ANKMY1: variants seen among roughly 807,000 people sequenced by gnomAD.
The protein encoded by ANKMY1 is ankyrin repeat and MYND domain containing 1.
Under a neutral mutation model 102.0 loss-of-function variants are expected in ANKMY1, and 98 were observed. The observed-to-expected ratio is 0.96, with a 90% confidence interval of 0.82 to 1.14. The LOEUF (loss-of-function observed/expected upper bound fraction) is 1.14, where lower values mean the gene tolerates loss of function less well. Among genes scored for constraint, ANKMY1 ranks in the 50% most tolerant of loss-of-function variants. The pLI, the probability that ANKMY1 is intolerant of heterozygous loss-of-function variation, is 0.00. For missense variants in ANKMY1, 1,330 were observed against 1,347.6 expected (o/e 0.99, Z 0.20); for synonymous variants, 582 against 559.9 (o/e 1.04, Z -0.56).
intron 7 of ANKMY1, 146 bp from the exon 8 acceptor site, chr2:240,524,527 AC>A: frequency 1.1e-6 from 1 of 902,748 alleles, no homozygotes; most frequent in South Asian, 1.8e-5. Context: ...CTTTCCCCAA[AC>A]CCTCAAAGAG....
chr2:240,538,729 G>A lies in ANKMY1; in HGVS notation c.481-9220C>T, dbSNP rs138423140. ...CGATCCACTAGGCAAAGCCAGCTGAGCTCCTGAATCTAGTGGGGTCTTGGA... is the reference window on the plus strand; with the variant it reads ...CGATCCACTAGGCAAAGCCAGCTGAACTCCTGAATCTAGTGGGGTCTTGGA... On this transcript the variant is annotated intron_variant, in intron 4 of 17. Transcript: ENST00000401804. 7.9e-5 allele frequency among the ~76,000 whole-genome samples: 12 copies of A among 152,326 alleles called. No individual in the cohort carries two copies. The East Asian group carries it at 2.1e-3, about 27-fold the overall frequency.
the ANKMY1 span, among the ~76,000 whole-genome samples, chr2:240,473,048 C>T: frequency 2.0e-5 from 3 of 146,358 alleles, no homozygotes; most frequent in South Asian, 4.5e-4. Context: ...CTCTTGAACC[C>T]GGGAGACGGA....
In ANKMY1 at chr2:240,511,912, C is replaced by G. The variant is rs779402768; in HGVS notation, c.2235G>C (p.Glu745Asp). 133 of 1,584,116 alleles carry G rather than the reference C, an allele frequency of 8.4e-5. 1 individual carries two copies. The South Asian group carries it at 9.5e-4, about 11-fold the overall frequency. The change falls in exon 11 of 18, where the codon GAG (glutamate) becomes GAC (aspartate). Residue 745 changes from glutamate (E) to aspartate (D), a missense_variant. Physicochemically the swap from Glu to Asp is conservative, Grantham distance 45. Transcript: ENST00000401804. ...CCATGTGCAGAGCCGTCCTGCCCCCCTCCTCCGGGAGGGCTGTGTCCGTGC... is the reference window on the plus strand; with the variant it reads ...CCATGTGCAGAGCCGTCCTGCCCCCGTCCTCCGGGAGGGCTGTGTCCGTGC... ...YYSTDTALPE[E>D]GGRTALHMAC...
intron 8 of ANKMY1, chr2:240,522,588 G>A (rs774028943): frequency 6.6e-6 from 1 of 152,222 alleles, no homozygotes; most frequent in Non-Finnish European, 1.5e-5. Flanking sequence ...ACCTGGCGGA[G>A]CTGGACACTC....
intron 13 of ANKMY1, among the ~76,000 whole-genome samples, chr2:240,503,302 C>G (rs1027694685): frequency 4.6e-5 from 7 of 152,308 alleles, no homozygotes; most frequent in Admixed American, 3.9e-4. Context: ...GTGAGAGGAG[C>G]TAGAAATGTT....
intron 4 of ANKMY1, among the ~76,000 whole-genome samples, chr2:240,531,433 C>G (rs1010645847): frequency 1.3e-5 from 2 of 152,202 alleles, no homozygotes; most frequent in Non-Finnish European, 2.9e-5. Context: ...TTCCAATCAA[C>G]CGTTCTGGGC....
At chr2:240,555,431 G>A in intron 2 of ANKMY1, 1 of 242,424 alleles carries the variant, frequency 4.1e-6, no homozygotes, top group Non-Finnish European at 8.2e-6. Context: ...CTCATTCAAG[G>A]GCCAGGAGTG....
At chr2:240,514,784 C>G (rs1292049912) in intron 9 of ANKMY1, among the ~76,000 whole-genome samples, 1 of 152,248 alleles carries the variant, frequency 6.6e-6, no homozygotes, top group African/African-American at 2.4e-5. Flanking sequence ...CACAACTGCG[C>G]AGCATGGTGG....
At chr2:240,486,384 T>A (rs958258650) in intron 15 of ANKMY1, among the ~76,000 whole-genome samples, 3 of 152,252 alleles carry the variant, frequency 2.0e-5, no homozygotes, top group Non-Finnish European at 2.9e-5. Flanking sequence ...AAATTATTTT[T>A]AAATTGCTTT....
Position 240,512,918 on chromosome 2 carries a change from T to C in ANKMY1, c.2029A>G (p.Ile677Val). 1 of 1,613,708 alleles carries C rather than the reference T, an allele frequency of 6.2e-7. No individual in the cohort carries two copies. Among genetic ancestry groups the C allele is most frequent in the Non-Finnish European group, 8.5e-7 (1 of 1,179,854 alleles). Residue 677 changes from isoleucine to valine, a missense_variant, in exon 10 of 18, where the codon ATC becomes GTC. Coordinates refer to ENST00000401804, the MANE Select transcript of ANKMY1 (RefSeq NM_001282771.3). ...TCCTCCCCAGGAAGGGCGGCAGCGA[T>C]GTGGAGTGGTGTCAGGGTGCTCAGC... Reference protein sequence around the residue: ...PQLSTLTPLHIAAALPGEEGV... With the variant: ...PQLSTLTPLHVAAALPGEEGV...
rs142704728 is a variant in ANKMY1, at chr2:240,524,022, G to A, written c.1695C>T (p.Asp565=). Residue 565 remains aspartate, a synonymous_variant, in exon 8 of 18, where the codon GAC becomes GAT. Coordinates refer to ENST00000401804, the MANE Select transcript of ANKMY1 (RefSeq NM_001282771.3). ...TGGCCTGCGAGAGCTCGATGGAGAAGTCGCACACACACACGTTGGACTCAA... is the reference window on the plus strand; with the variant it reads ...TGGCCTGCGAGAGCTCGATGGAGAAATCGCACACACACACGTTGGACTCAA... ...TKFESNVCVC[D]FSIELSQAML... 1.4e-5 allele frequency: 22 copies of A among 1,613,866 alleles called. No homozygotes were observed. The African/African-American group carries it at 2.7e-4, about 20-fold the overall frequency.
At position 240,528,807 on chromosome 2, in the gene ANKMY1, C is replaced by A. The variant is rs868691534; in HGVS notation, c.953+230G>T. Among the ~76,000 whole-genome samples, 4 of 152,324 alleles carry A rather than the reference C, an allele frequency of 2.6e-5. No individual in the cohort carries two copies. In the South Asian group the frequency reaches 6.2e-4, roughly 24 times the overall value. On this transcript the variant is annotated intron_variant, in intron 5 of 17. Transcript: ENST00000401804. ...AGGTGGGATCCTGAGACCCTCATTC[C>A]CCTGCACAGACGTCCAGGGCCCCAG...
At chr2:240,545,117 G>A (rs1257841456) in intron 4 of ANKMY1, among the ~76,000 whole-genome samples, 1 of 152,112 alleles carries the variant, frequency 6.6e-6, no homozygotes, top group Non-Finnish European at 1.5e-5. Flanking sequence ...CTGTCTGACA[G>A]CTTTGAAGAG....
the ANKMY1 span, among the ~76,000 whole-genome samples, chr2:240,473,273 C>G: frequency 6.8e-6 from 1 of 147,748 alleles, no homozygotes; most frequent in Non-Finnish European, 1.5e-5. Context: ...ACTGAGACAA[C>G]CAAAAAAATA....
At chr2:240,532,781 T>A (rs1167142628) in intron 4 of ANKMY1, among the ~76,000 whole-genome samples, 1 of 152,194 alleles carries the variant, frequency 6.6e-6, no homozygotes, top group Non-Finnish European at 1.5e-5. Flanking sequence ...CCCCCCTATA[T>A]ATGTCCTCAA....
chr2:240,557,150 A>G (rs7609147), intron 2 of ANKMY1, 40 bp downstream of exon 2: 584,632 of 1,399,894 alleles, frequency 0.42, 125,453 homozygotes, highest in Middle Eastern at 0.53. Flanking sequence ...CCTGGGCCCC[A>G]GGTCAGGGTC....
chr2:240,488,252 A>G (rs2076278473), intron 15 of ANKMY1, among the ~76,000 whole-genome samples: 1 of 152,104 alleles, frequency 6.6e-6, no homozygotes, highest in Non-Finnish European at 1.5e-5. Flanking sequence ...GTATGTTCTT[A>G]TCAGCTTTGA....
chr2:240,536,097 A>G (rs941606123), intron 4 of ANKMY1, among the ~76,000 whole-genome samples: 2 of 152,194 alleles, frequency 1.3e-5, no homozygotes, highest in Admixed American at 6.5e-5. Flanking sequence ...ATACTCCTAT[A>G]AGATAAACCA....
Position 240,511,851 on chromosome 2 carries a change from C to T in ANKMY1, c.2286+10G>A. On this transcript the variant is annotated intron_variant, in intron 11 of 17. Coordinates refer to ENST00000401804, the MANE Select transcript of ANKMY1 (RefSeq NM_001282771.3). ...GCCCTGTGCCCCCGCCAGGCCCTGG[C>T]TGCCCTCACCTTGTTGTCATCCTCC... is the stretch of plus-strand genomic sequence containing the variant. 1 of 1,576,740 alleles carries T rather than the reference C, an allele frequency of 6.3e-7. No homozygotes were observed. Among genetic ancestry groups the T allele is most frequent in the Non-Finnish European group, 8.5e-7 (1 of 1,170,666 alleles).
Sources: allele counts gnomAD v4.1 joint callset (sites outside exome capture counted in the v4.1 genomes callset), GRCh38; gene constraint gnomAD v4.1.1; transcripts MANE v1.5; gene names NCBI Gene and HGNC (gene_info 2026-07-23, HGNC 2026-07-21).